The following FCHSD2 variants were observed in gnomAD, a reference collection of about 807,000 sequenced individuals.
The protein encoded by FCHSD2 is FCH and double SH3 domains 2.
A neutral mutation model predicts 108.1 loss-of-function variants in FCHSD2; 38 were observed. The observed-to-expected ratio is 0.35, with a 90% confidence interval of 0.27 to 0.46. The LOEUF is 0.46. Ranked by LOEUF, FCHSD2 falls within the 20% of genes least tolerant of loss-of-function variation. The pLI, the probability that FCHSD2 is intolerant of heterozygous loss-of-function variation, is 1.00. For synonymous variants in FCHSD2, 279 were observed against 314.7 expected, an observed-to-expected ratio of 0.89 and a Z score of 1.20; for missense variants, 751 against 897.8, an observed-to-expected ratio of 0.84 and a Z score of 2.09.
At chr11:72,947,611 C>T (rs770571223) in intron 8 of FCHSD2, among the ~76,000 whole-genome samples, 12 of 152,146 alleles carry the variant, frequency 7.9e-5, no homozygotes, top group African/African-American at 2.7e-4. Flanking sequence ...TCCTAATGGA[C>T]GTGTAGGAAC....
intron 12 of FCHSD2, among the ~76,000 whole-genome samples, chr11:72,885,302 G>A (rs184135260): frequency 2.0e-5 from 3 of 152,236 alleles, no homozygotes; most frequent in Admixed American, 2.0e-4. Flanking sequence ...TGAGAAAACG[G>A]ATCTGCTACA....
At chr11:72,908,770 G>C (rs1207932644) in intron 9 of FCHSD2, among the ~76,000 whole-genome samples, 2 of 152,058 alleles carry the variant, frequency 1.3e-5, no homozygotes, top group African/African-American at 4.8e-5. Context: ...TGGCTCAAGA[G>C]ATCCTCCCAT....
At chr11:73,003,813 T>G (rs1042404348) in intron 4 of FCHSD2, among the ~76,000 whole-genome samples, 1 of 151,256 alleles carries the variant, frequency 6.6e-6, no homozygotes, top group Admixed American at 6.6e-5. Context: ...TTGTGAAGGA[T>G]AAGAAAAGTA....
intron 2 of FCHSD2, among the ~76,000 whole-genome samples, chr11:73,091,481 A>T (rs889315892): frequency 1.3e-5 from 2 of 151,998 alleles, no homozygotes; most frequent in Non-Finnish European, 2.9e-5. Flanking sequence ...CCCGGGAGGC[A>T]GAGGTTGCAG....
chr11:73,131,782 G>GA (rs1164753035), intron 2 of FCHSD2, among the ~76,000 whole-genome samples: 1 of 151,448 alleles, frequency 6.6e-6, no homozygotes, highest in Admixed American at 6.6e-5. Flanking sequence ...ATTCTGCTAA[G>GA]AAAAAAATGC....
At chr11:73,053,971 A>C (rs978080782) in intron 3 of FCHSD2, among the ~76,000 whole-genome samples, 5 of 152,172 alleles carry the variant, frequency 3.3e-5, no homozygotes, top group African/African-American at 1.2e-4. Flanking sequence ...TGTATTTTAC[A>C]AAAATGTCCA....
At chr11:72,974,071 C>T (rs911138726) in intron 8 of FCHSD2, among the ~76,000 whole-genome samples, 8 of 112,278 alleles carry the variant, frequency 7.1e-5, no homozygotes, top group South Asian at 2.8e-4. Flanking sequence ...CAGGTAAGGG[C>T]GGGGGGCGGG....
At chr11:72,982,587 T>G (rs919490258) in intron 8 of FCHSD2, among the ~76,000 whole-genome samples, 2 of 152,224 alleles carry the variant, frequency 1.3e-5, no homozygotes, top group Non-Finnish European at 2.9e-5. Flanking sequence ...AAAGGTTTCC[T>G]TTTCCTCTAC....
chr11:73,075,719 G>A (rs919682272), intron 3 of FCHSD2, among the ~76,000 whole-genome samples: 15 of 151,782 alleles, frequency 9.9e-5, no homozygotes, highest in African/African-American at 3.1e-4. Flanking sequence ...GGAGACTGAC[G>A]CATGAGAATT....
chr11:72,844,436 A>C (rs567580206), intron 14 of FCHSD2, among the ~76,000 whole-genome samples: 3 of 152,292 alleles, frequency 2.0e-5, no homozygotes, highest in South Asian at 2.1e-4. Flanking sequence ...GACTGAGCTG[A>C]TCCATTTGCG....
At chr11:72,893,811 C>T (rs975863715) in intron 10 of FCHSD2, among the ~76,000 whole-genome samples, 4 of 151,580 alleles carry the variant, frequency 2.6e-5, no homozygotes, top group Admixed American at 2.6e-4. Context: ...TTTCAACATT[C>T]ATAAAGTTAT....
intron 8 of FCHSD2, among the ~76,000 whole-genome samples, chr11:72,960,674 A>G (rs1387431623): frequency 1.3e-5 from 2 of 152,204 alleles, no homozygotes. Context: ...TTTCTAGTAA[A>G]ATAGTATCCA....
chr11:72,900,028 G>A (rs1855495350), intron 10 of FCHSD2, among the ~76,000 whole-genome samples: 1 of 152,084 alleles, frequency 6.6e-6, no homozygotes, highest in Non-Finnish European at 1.5e-5. Flanking sequence ...CAGCACACCT[G>A]TTGAAGAAGA....
intron 9 of FCHSD2, among the ~76,000 whole-genome samples, chr11:72,917,976 G>A (rs1452931532): frequency 1.3e-5 from 2 of 151,832 alleles, no homozygotes; most frequent in Admixed American, 1.3e-4. Context: ...CATTGAATCT[G>A]TAGATCACTT....
chr11:72,970,170 T>C (rs1312657697), intron 8 of FCHSD2, among the ~76,000 whole-genome samples: 4 of 152,304 alleles, frequency 2.6e-5, no homozygotes, highest in Admixed American at 6.5e-5. Flanking sequence ...AAGCCACAAA[T>C]GGCTAAGAAT....
At chr11:72,913,833 A>AC (rs372109238) in intron 9 of FCHSD2, among the ~76,000 whole-genome samples, 2,059 of 144,214 alleles carry the variant, frequency 0.014, 44 homozygotes, top group African/African-American at 0.038. Flanking sequence ...CCAAAAAAAA[A>AC]ACAAAAAAAA....
intron 8 of FCHSD2, among the ~76,000 whole-genome samples, chr11:72,923,132 T>G (rs570595382): frequency 6.6e-6 from 1 of 152,282 alleles, no homozygotes; most frequent in South Asian, 2.1e-4. Flanking sequence ...TTTTTACAGC[T>G]TAATAATATT....
intron 3 of FCHSD2, among the ~76,000 whole-genome samples, chr11:73,029,895 G>A (rs1858318528): frequency 6.6e-6 from 1 of 152,110 alleles, no homozygotes; most frequent in Admixed American, 6.6e-5. Flanking sequence ...CCTCAGCATG[G>A]AGACTACTTA....
chr11:72,921,056 G>C (rs756961043), intron 9 of FCHSD2, among the ~76,000 whole-genome samples: 8 of 150,650 alleles, frequency 5.3e-5, no homozygotes, highest in Non-Finnish European at 1.0e-4. Flanking sequence ...GTATTAGCCA[G>C]TTCTCACTCT....
Sources: gnomAD v4.1 joint callset for allele counts (sites outside exome capture counted in the v4.1 genomes callset) on GRCh38, gnomAD v4.1.1 for gene constraint, MANE v1.5 for transcripts, NCBI Gene and HGNC (gene_info 2026-07-23, HGNC 2026-07-21) for gene names.